GPC5: variants seen among roughly 807,000 people sequenced by gnomAD.
GPC5 encodes the protein glypican 5, also known as glypican-5.
GPC5 carries 47 observed loss-of-function variants against 53.9 expected under a neutral mutation model. The ratio of observed to expected loss-of-function variants is 0.87; its 90% CI spans 0.69 to 1.11. The LOEUF is 1.11. GPC5 is among the 50% of genes most tolerant of loss of function. The pLI is 0.00. For missense variants in GPC5, 748 were observed against 713.1 expected (o/e 1.05, Z -0.56); for synonymous variants, 286 against 263.3 (o/e 1.09, Z -0.84).
intron 7 of GPC5, among the ~76,000 whole-genome samples, chr13:92,845,258 C>T (rs1878573345): frequency 1.3e-5 from 2 of 152,200 alleles, no homozygotes; most frequent in South Asian, 4.1e-4. Flanking sequence ...AAGAAAATAA[C>T]GTCCAGAGAA....
At chr13:92,131,389 T>C (rs543240201) in intron 6 of GPC5, among the ~76,000 whole-genome samples, 40 of 152,064 alleles carry the variant, frequency 2.6e-4, no homozygotes, top group African/African-American at 9.7e-4. Flanking sequence ...AAAAGATATG[T>C]ATAAGATATT....
At chr13:92,092,941 T>C (rs2041392290) in intron 6 of GPC5, among the ~76,000 whole-genome samples, 1 of 152,162 alleles carries the variant, frequency 6.6e-6, no homozygotes, top group African/African-American at 2.4e-5. Context: ...AAGGCAAAAT[T>C]AGCCAATATC....
chr13:92,206,239 C>T (rs2042336151), intron 7 of GPC5, among the ~76,000 whole-genome samples: 1 of 145,976 alleles, frequency 6.9e-6, no homozygotes, highest in Non-Finnish European at 1.5e-5. Context: ...AATCTCGGCT[C>T]ACTGCAAGCT....
chr13:92,388,326 A>C (rs1874838928), intron 7 of GPC5, among the ~76,000 whole-genome samples: 1 of 152,102 alleles, frequency 6.6e-6, no homozygotes, highest in Non-Finnish European at 1.5e-5. Flanking sequence ...GCTAGAAAAA[A>C]TGATAAGCTT....
intron 6 of GPC5, among the ~76,000 whole-genome samples, chr13:91,978,178 T>G (rs1026293099): frequency 2.0e-5 from 3 of 152,140 alleles, no homozygotes; most frequent in African/African-American, 4.8e-5. Context: ...AAATTTGTAT[T>G]CTCAGGCCCA....
At chr13:91,522,372 A>G (rs1475264226) in intron 2 of GPC5, among the ~76,000 whole-genome samples, 1 of 152,202 alleles carries the variant, frequency 6.6e-6, no homozygotes, top group African/African-American at 2.4e-5. Context: ...TTTAAGAGTG[A>G]TATGTCAGGA....
At chr13:92,782,303 T>A (rs1049955306) in intron 7 of GPC5, among the ~76,000 whole-genome samples, 7 of 152,194 alleles carry the variant, frequency 4.6e-5, no homozygotes, top group African/African-American at 1.7e-4. Flanking sequence ...TCATGTACAT[T>A]ATATAATTAA....
At chr13:91,634,069 G>A (rs1247052333) in intron 2 of GPC5, among the ~76,000 whole-genome samples, 1 of 152,116 alleles carries the variant, frequency 6.6e-6, no homozygotes, top group Non-Finnish European at 1.5e-5. Context: ...TCAAGCTTGC[G>A]TAGGGAATGA....
At chr13:92,062,559 A>T (rs953695805) in intron 6 of GPC5, among the ~76,000 whole-genome samples, 1 of 152,032 alleles carries the variant, frequency 6.6e-6, no homozygotes, top group Admixed American at 6.5e-5. Flanking sequence ...AACTATTATT[A>T]TCTAAGATAT....
Position 91,728,675 on chromosome 13 carries a change from T to G in GPC5, c.1154+10T>G, listed in dbSNP as rs762207418. 1 of 1,605,500 alleles carries G rather than the reference T, an allele frequency of 6.2e-7. No homozygotes were observed. The highest frequency in any genetic ancestry group is 8.5e-7 in the Non-Finnish European group (1 of 1,176,236). On this transcript the variant is annotated intron_variant, in intron 4 of 7. Coordinates refer to ENST00000377067, the MANE Select transcript of GPC5 (RefSeq NM_004466.6). ...TTGCCAACAGAAGAAAGTAAGACAT[T>G]TGTTTTACAACCAGAAAGAGAAAAG...
At chr13:92,444,072 A>T (rs1272971898) in intron 7 of GPC5, among the ~76,000 whole-genome samples, 8 of 152,172 alleles carry the variant, frequency 5.3e-5, no homozygotes, top group Non-Finnish European at 1.2e-4. Context: ...AGTTTGGTCG[A>T]CCTGCCGTGT....
intron 2 of GPC5, among the ~76,000 whole-genome samples, chr13:91,522,923 G>A (rs146077957): frequency 7.6e-4 from 115 of 152,256 alleles, no homozygotes; most frequent in African/African-American, 2.7e-3. Flanking sequence ...ATTGATGGAC[G>A]TTTGGGTTGG....
At chr13:91,640,885 C>A (rs971120351) in intron 2 of GPC5, among the ~76,000 whole-genome samples, 1 of 151,894 alleles carries the variant, frequency 6.6e-6, no homozygotes, top group Non-Finnish European at 1.5e-5. Context: ...CCCAAATACC[C>A]ATTAATGATA....
At chr13:91,570,755 C>A (rs1455829587) in intron 2 of GPC5, among the ~76,000 whole-genome samples, 1 of 152,110 alleles carries the variant, frequency 6.6e-6, no homozygotes, top group Non-Finnish European at 1.5e-5. Flanking sequence ...TCGGTGATTT[C>A]CAAACTCATC....
chr13:92,552,138 G>A (rs576626307), intron 7 of GPC5, among the ~76,000 whole-genome samples: 37 of 151,940 alleles, frequency 2.4e-4, no homozygotes, highest in African/African-American at 8.9e-4. Flanking sequence ...AACCATCGTG[G>A]AAATACTAAT....
chr13:91,944,813 T>G (rs569413551), intron 6 of GPC5, among the ~76,000 whole-genome samples: 1 of 152,318 alleles, frequency 6.6e-6, no homozygotes, highest in Non-Finnish European at 1.5e-5. Flanking sequence ...ACTGTACACT[T>G]TATAGCTGAT....
At chr13:91,427,909 T>C (rs1318237526) in intron 1 of GPC5, among the ~76,000 whole-genome samples, 1 of 151,982 alleles carries the variant, frequency 6.6e-6, no homozygotes, top group African/African-American at 2.4e-5. Context: ...TAAATGGTAG[T>C]TTTTCCTGAG....
intron 5 of GPC5, among the ~76,000 whole-genome samples, chr13:91,822,356 G>A (rs1157708520): frequency 3.3e-5 from 5 of 152,124 alleles, no homozygotes; most frequent in African/African-American, 1.2e-4. Context: ...ACTTTCATTT[G>A]CTGCACTTTT....
In GPC5 at chr13:92,838,811, T is replaced by C. The variant is rs1354453190; in HGVS notation, c.1562-27471T>C. 3.3e-5 allele frequency among the ~76,000 whole-genome samples: 5 copies of C among 152,178 alleles called. 1 individual carries two copies. The highest frequency in any genetic ancestry group is 2.0e-4 in the Admixed American group (3 of 15,270). On this transcript the variant is annotated intron_variant, in intron 7 of 7. Transcript: ENST00000377067. ...AAATCATAGAACTAAAAATAAAGTA[T>C]CTACAAATAAGAATTCAGCGATTAC...
Sources: gnomAD v4.1 joint callset for allele counts (sites outside exome capture counted in the v4.1 genomes callset) on GRCh38, gnomAD v4.1.1 for gene constraint, MANE v1.5 for transcripts, NCBI Gene and HGNC (gene_info 2026-07-23, HGNC 2026-07-21) for gene names.